INPP4B: variants seen among roughly 807,000 people sequenced by gnomAD.
INPP4B encodes the protein inositol polyphosphate 4-phosphatase type II.
A neutral mutation model predicts 122.5 loss-of-function variants in INPP4B; 55 were observed. The observed-to-expected ratio is 0.45, with a 90% CI of 0.36 to 0.56. The LOEUF is 0.56. Among genes scored for constraint, INPP4B ranks in the 20% least tolerant of loss-of-function variants. INPP4B has a pLI of 0.00. For missense variants in INPP4B, 1,000 were observed against 1,097.7 expected (o/e 0.91, Z 1.26); for synonymous variants, 403 against 388.7 (o/e 1.04, Z -0.43).
intron 7 of INPP4B, among the ~76,000 whole-genome samples, chr4:142,374,263 C>T (rs892342473): frequency 1.3e-5 from 2 of 151,912 alleles, no homozygotes; most frequent in Non-Finnish European, 2.9e-5. Context: ...TGGATATAAA[C>T]CCTGATTCAG....
chr4:142,431,341 T>G lies in INPP4B; in HGVS notation c.-82A>C. On this transcript the variant is annotated 5_prime_UTR_variant, in exon 4 of 26. Transcript: ENST00000262992. ...AGTGATTCCTGGTTTAATGTAGATGTATCTTCACACTAAAGATCTGATATC... is the reference window on the plus strand; with the variant it reads ...AGTGATTCCTGGTTTAATGTAGATGGATCTTCACACTAAAGATCTGATATC... 2.1e-6 allele frequency: 2 copies of G among 931,620 alleles called. No homozygotes were observed. Among genetic ancestry groups the G allele is most frequent in the Non-Finnish European group, 3.5e-6 (2 of 575,212 alleles). 57.7% of individuals were successfully genotyped at this position (931,620 alleles called of 1,614,324 possible).
chr4:142,439,930 A>G (rs1359689379), intron 3 of INPP4B, among the ~76,000 whole-genome samples: 5 of 152,318 alleles, frequency 3.3e-5, no homozygotes, highest in East Asian at 3.9e-4. Context: ...TGAAAGCAAT[A>G]CCATGCTCTC....
At chr4:142,834,154 A>G (rs1782505165) in intron 1 of INPP4B, among the ~76,000 whole-genome samples, 1 of 152,172 alleles carries the variant, frequency 6.6e-6, no homozygotes, top group East Asian at 1.9e-4. Context: ...ATGTGGTTTT[A>G]CTGTAAGCCA....
In INPP4B at chr4:142,766,383, G is replaced by GT. The variant is rs963992816; in HGVS notation, c.-253-40483dup. Among the ~76,000 whole-genome samples, 299 of 147,570 alleles carry GT rather than the reference G, an allele frequency of 2.0e-3. 1 individual carries two copies. Among genetic ancestry groups the GT allele is most frequent in the African/African-American group, 6.2e-3 (252 of 40,462 alleles). ...AGCAGAAAGCATAAGGTGTTTTTTT[G>GT]TTTTTTTTTTCTGAGATGGAGTCTC... On this transcript the variant is annotated intron_variant, in intron 1 of 25. Transcript: ENST00000262992.
At chr4:142,640,785 A>T (rs965379425) in intron 2 of INPP4B, among the ~76,000 whole-genome samples, 1 of 152,102 alleles carries the variant, frequency 6.6e-6, no homozygotes, top group Non-Finnish European at 1.5e-5. Flanking sequence ...TTTCAAAAAA[A>T]AAAGATAGCC....
At chr4:142,790,873 C>A (rs1393346789) in intron 1 of INPP4B, among the ~76,000 whole-genome samples, 3 of 151,640 alleles carry the variant, frequency 2.0e-5, no homozygotes, top group Non-Finnish European at 4.4e-5. Context: ...ATATGAAGCC[C>A]AACATCTCAA....
rs77991143 is a variant in INPP4B at position 142,382,141 on chromosome 4, T to C, written c.372+20797A>G. ...TTTATGCATTGAATTTGGGACAGTT[T>C]CTATTTGTACTTTTCTTTCAACAGA... is the stretch of plus-strand genomic sequence containing the variant. On this transcript the variant is annotated intron_variant, in intron 7 of 25. Coordinates refer to ENST00000262992, the MANE Select transcript of INPP4B (RefSeq NM_001101669.3). 2.9e-3 allele frequency among the ~76,000 whole-genome samples: 446 copies of C among 152,302 alleles called. 5 individuals carry two copies. The highest frequency in any genetic ancestry group is 0.01 in the African/African-American group (426 of 41,578).
intron 2 of INPP4B, among the ~76,000 whole-genome samples, chr4:142,464,096 T>C (rs1264348042): frequency 2.6e-5 from 4 of 152,134 alleles, no homozygotes; most frequent in Admixed American, 2.6e-4. Context: ...TAAAGAGTAG[T>C]ATTTGAATTT....
Position 142,537,425 on chromosome 4 carries a change from TATATAGAGAGAGAG to T in INPP4B, c.-190-74713_-190-74700del, listed in dbSNP as rs1193818377. The stretch of plus-strand genomic sequence containing the variant: ...GTATATATATATATATATATATATA[TATATAGAGAGAGAG>T]AGAGAGAGAGAGAGAGAGAGAGAGA... On this transcript the variant is annotated intron_variant, in intron 2 of 25. Coordinates refer to ENST00000262992, the MANE Select transcript of INPP4B (RefSeq NM_001101669.3). Among the ~76,000 whole-genome samples the T allele has an allele frequency of 9.1e-3, 371 of 40,958 alleles. 3 individuals carry two copies. Among genetic ancestry groups the T allele is most frequent in the East Asian group, 0.028 (39 of 1,398 alleles). The allele number at this position is 40,958 out of a possible 152,430, so 26.9% of individuals were successfully genotyped here.
chr4:142,499,083 G>C (rs72946877), intron 2 of INPP4B, among the ~76,000 whole-genome samples: 7,300 of 152,234 alleles, frequency 0.048, 219 homozygotes, highest in Middle Eastern at 0.078. Context: ...TCCCTGTAGG[G>C]ACTGGTTATC....
At chr4:142,553,626 G>A (rs986069820) in intron 2 of INPP4B, among the ~76,000 whole-genome samples, 1 of 152,154 alleles carries the variant, frequency 6.6e-6, no homozygotes, top group Non-Finnish European at 1.5e-5. Context: ...CTGGCTTCTA[G>A]GGTTCCCCAA....
At chr4:142,351,355 T>TA (rs1781872861) in intron 7 of INPP4B, among the ~76,000 whole-genome samples, 1 of 152,056 alleles carries the variant, frequency 6.6e-6, no homozygotes, top group Non-Finnish European at 1.5e-5. Context: ...AGTTCTCTTT[T>TA]ACCCTTTCAT....
At chr4:142,488,093 T>G (rs1821416300) in intron 2 of INPP4B, among the ~76,000 whole-genome samples, 1 of 152,106 alleles carries the variant, frequency 6.6e-6, no homozygotes, top group South Asian at 2.1e-4. Context: ...CCTAGACTTC[T>G]GAGAGCTTTT....
intron 7 of INPP4B, among the ~76,000 whole-genome samples, chr4:142,334,350 G>C (rs780059529): frequency 7.6e-4 from 116 of 152,126 alleles, no homozygotes; most frequent in Non-Finnish European, 1.6e-3. Flanking sequence ...TCATCCATCA[G>C]AGGATACTCG....
intron 1 of INPP4B, among the ~76,000 whole-genome samples, chr4:142,844,972 G>C (rs933573195): frequency 5.8e-4 from 89 of 152,166 alleles, no homozygotes; most frequent in African/African-American, 2.1e-3. Context: ...TGACAGGAAG[G>C]AGATATGCAA....
rs536893788 is a variant in INPP4B, at chr4:142,442,981, G to A, written c.-126-11596C>T. On this transcript the variant is annotated intron_variant, in intron 3 of 25. Coordinates refer to ENST00000262992, the MANE Select transcript of INPP4B (RefSeq NM_001101669.3). ...CCCATTTATAAAACCATCAGATCTC[G>A]TGAGACTTATTCACTACCATGGGAA... 5.9e-5 allele frequency among the ~76,000 whole-genome samples: 9 copies of A among 152,232 alleles called. No individual in the cohort carries two copies. The South Asian group carries it at 6.2e-4, about 11-fold the overall frequency.
intron 7 of INPP4B, among the ~76,000 whole-genome samples, chr4:142,333,368 C>T (rs1041995033): frequency 3.9e-5 from 6 of 152,168 alleles, no homozygotes; most frequent in Admixed American, 3.9e-4. Flanking sequence ...ACATTAAAGT[C>T]AGAGAAGCCT....
At chr4:142,086,896 A>G (rs186004362) in intron 23 of INPP4B, among the ~76,000 whole-genome samples, 30 of 152,332 alleles carry the variant, frequency 2.0e-4, no homozygotes, top group African/African-American at 6.7e-4. Flanking sequence ...GTCATGAGAT[A>G]TAACTTTCCT....
At chr4:142,498,726 G>A (rs1177647941) in intron 2 of INPP4B, among the ~76,000 whole-genome samples, 2 of 152,144 alleles carry the variant, frequency 1.3e-5, no homozygotes, top group East Asian at 3.8e-4. Flanking sequence ...AGGATGGGGA[G>A]GTTGCAGTGA....
Sources: allele counts gnomAD v4.1 joint callset (sites outside exome capture counted in the v4.1 genomes callset), GRCh38; gene constraint gnomAD v4.1.1; transcripts MANE v1.5; gene names NCBI Gene and HGNC (gene_info 2026-07-23, HGNC 2026-07-21).